The following PELP1 variants were observed in gnomAD, a reference collection of about 807,000 sequenced individuals.
PELP1 encodes the protein proline, glutamate and leucine rich protein 1.
PELP1 carries 32 observed loss-of-function variants against 95.5 expected under a neutral mutation model. That is an observed-to-expected ratio of 0.34 (90% CI 0.25 to 0.45). The LOEUF (loss-of-function observed/expected upper bound fraction) is 0.45. Among genes scored for constraint, PELP1 ranks in the 20% least tolerant of loss-of-function variants. PELP1 has a pLI of 1.00. For missense variants in PELP1, 1,358 were observed against 1,444.8 expected, an observed-to-expected ratio of 0.94 and a Z score of 0.97; for synonymous variants, 668 against 600.1, an observed-to-expected ratio of 1.11 and a Z score of -1.65.
At position 4,672,130 on chromosome 17, in the gene PELP1, T is replaced by A; in HGVS notation, c.2861A>T (p.Glu954Val). The A allele has an allele frequency of 1.3e-6, 2 of 1,552,438 alleles. No homozygotes were observed. Among genetic ancestry groups the A allele is most frequent in the Non-Finnish European group, 1.7e-6 (2 of 1,147,476 alleles). ...GTCTTCCACCTCTTCCAGTTCTTCTTCCTCCTCCTCATCCTCCTCTTCTTC... is the reference window on the plus strand; with the variant it reads ...GTCTTCCACCTCTTCCAGTTCTTCTACCTCCTCCTCATCCTCCTCTTCTTC... Reference protein sequence around the residue: ...EEEEEEDEEEEEELEEVEDLE... With the variant: ...EEEEEEDEEEVEELEEVEDLE... Residue 954 changes from glutamate (E) to valine (V), a missense_variant, in exon 16 of 17, where the codon GAA (glutamate) becomes GTA (valine). By Grantham distance (121) the Glu-to-Val change is moderately radical. Coordinates refer to ENST00000572293, the MANE Select transcript of PELP1 (RefSeq NM_014389.3).
rs1912183836 is a variant in PELP1 at position 4,671,201 on chromosome 17, T to C, written c.*238A>G. The C allele has an allele frequency of 1.8e-6, 1 of 559,422 alleles. No individual in the cohort carries two copies. The highest frequency in any genetic ancestry group is 3.2e-6 in the Non-Finnish European group (1 of 314,302). 34.7% of individuals were successfully genotyped at this position (559,422 alleles called of 1,614,324 possible). A position where few individuals can be genotyped will look rare whatever the true frequency, so the allele number is the denominator to read the frequency against. ...GCATCCAGCCAGAATCCTACAATTCTGACACCATCGTGCTGAGTGATGGGA... is the reference window on the plus strand; with the variant it reads ...GCATCCAGCCAGAATCCTACAATTCCGACACCATCGTGCTGAGTGATGGGA... On this transcript the variant is annotated 3_prime_UTR_variant, in exon 17 of 17. Transcript: ENST00000572293.
chr17:4,680,023 C>A (rs1282381230), intron 5 of PELP1, among the ~76,000 whole-genome samples: 1 of 152,246 alleles, frequency 6.6e-6, no homozygotes, highest in Non-Finnish European at 1.5e-5. Context: ...TTGACTAGAG[C>A]TGCTACCTGC....
intron 1 of PELP1, among the ~76,000 whole-genome samples, chr17:4,694,595 G>A (rs1164438258): frequency 1.3e-5 from 2 of 149,442 alleles, no homozygotes; most frequent in Non-Finnish European, 3.0e-5. Flanking sequence ...GGGAGGCGGA[G>A]GTCGCAATGA....
At chr17:4,681,302 T>C (rs773539274) in intron 5 of PELP1, among the ~76,000 whole-genome samples, 61 of 152,080 alleles carry the variant, frequency 4.0e-4, no homozygotes, top group Non-Finnish European at 8.8e-4. Context: ...CTGGCCAACA[T>C]AGTGATACCT....
Position 4,671,484 on chromosome 17 carries a change from G to A in PELP1, c.3348C>T (p.Pro1116=), listed in dbSNP as rs1216369385. 6.2e-7 allele frequency: 1 copy of A among 1,610,828 alleles called. No homozygotes were observed. Among genetic ancestry groups the A allele is most frequent in the Non-Finnish European group, 8.5e-7 (1 of 1,177,032 alleles). Reference sequence around the variant, plus strand: ...GAGGTGGTGGCTTCTCATCATCAGGGGGACAATCGATGAAGTCGGCCAGCA... The same window carrying A: ...GAGGTGGTGGCTTCTCATCATCAGGAGGACAATCGATGAAGTCGGCCAGCA... ...AAMLADFIDC[P]PDDEKPPPPT... Residue 1116 remains proline, a synonymous_variant, in exon 17 of 17, where the codon CCC becomes CCT. Coordinates refer to ENST00000572293, the MANE Select transcript of PELP1 (RefSeq NM_014389.3).
intron 3 of PELP1, among the ~76,000 whole-genome samples, chr17:4,685,699 G>C (rs919293220): frequency 6.6e-6 from 1 of 151,554 alleles, no homozygotes; most frequent in Admixed American, 6.6e-5. Flanking sequence ...GGTGCGGTGG[G>C]GGGTACTGAT....
chr17:4,678,443 C>T (rs1262943834), intron 5 of PELP1, among the ~76,000 whole-genome samples: 1 of 152,100 alleles, frequency 6.6e-6, no homozygotes, highest in Non-Finnish European at 1.5e-5. Flanking sequence ...ACACTGCACT[C>T]CTGGGTCACA....
chr17:4,672,027 G>T lies in PELP1; in HGVS notation c.2964C>A (p.Pro988=). Reference sequence around the variant, plus strand: ...GCTGCACCTTTGGGGGAGACTCAGGGGGAGGCAGAGCTGGAGGCAGGGTTG... The same window carrying T: ...GCTGCACCTTTGGGGGAGACTCAGGTGGAGGCAGAGCTGGAGGCAGGGTTG... The part of the protein sequence containing the change: ...PPPTLPPALP[P]PESPPKVQPE... The change falls in exon 16 of 17, where the codon CCC becomes CCA. Residue 988 remains proline, a synonymous_variant. Transcript: ENST00000572293. The T allele has an allele frequency of 6.4e-7, 1 of 1,573,976 alleles. No individual in the cohort carries two copies. The highest frequency in any genetic ancestry group is 2.3e-5 in the East Asian group (1 of 44,102).
intron 5 of PELP1, among the ~76,000 whole-genome samples, chr17:4,677,759 T>A (rs1567662456): frequency 6.6e-6 from 1 of 151,926 alleles, no homozygotes. Flanking sequence ...AGAAACCCTA[T>A]CTCTACTAAA....
In PELP1 at chr17:4,682,503, T is replaced by C. The variant is rs757184595; in HGVS notation, c.641A>G (p.Lys214Arg). 1.1e-5 allele frequency: 18 copies of C among 1,603,526 alleles called. No homozygotes were observed. Among genetic ancestry groups the C allele is most frequent in the Admixed American group, 1.7e-5 (1 of 59,982 alleles). Residue 214 changes from lysine (K) to arginine (R), a missense_variant and splice_region_variant, in exon 5 of 17, where the codon AAA (lysine) becomes AGA (arginine). Physicochemically the swap from Lys to Arg is conservative, Grantham distance 26. Around this residue, in one of 7 missense-constraint regions of PELP1, gnomAD observed 538 missense variants for 628.1 expected, o/e 0.86. Coordinates refer to ENST00000572293, the MANE Select transcript of PELP1 (RefSeq NM_014389.3). ...GGAGAAGAGTGCATAAATACTTACT[T>C]TGAGAGAACCACAAGCCCGAGGGAA... ...TYFPRACGSL[K>R]GKLASFFLSR... is the part of the protein sequence containing the mutation.
chr17:4,673,758 C>G lies in PELP1; in HGVS notation c.1583-84G>C, dbSNP rs775729557. The G allele has an allele frequency of 1.1e-4, 129 of 1,146,430 alleles. No individual in the cohort carries two copies. The highest frequency in any genetic ancestry group is 1.5e-4 in the Non-Finnish European group (114 of 753,712). The allele number at this position is 1,146,430 out of a possible 1,614,324, so 71.0% of individuals were successfully genotyped here. A position where few individuals can be genotyped will look rare whatever the true frequency, so the allele number is the denominator to read the frequency against. On this transcript the variant is annotated intron_variant, in intron 13 of 16. Transcript: ENST00000572293. The surrounding 1 kb of genome is among the most constrained non-coding windows in gnomAD (Gnocchi z 5.7). ...TCTGAAGCATACAGCCCAAAATGGG[C>G]ATCAACTCTGCCACTGCCTATCTTG...
intron 1 of PELP1, among the ~76,000 whole-genome samples, chr17:4,701,511 G>A (rs770742717): frequency 1.2e-4 from 18 of 152,198 alleles, no homozygotes; most frequent in Non-Finnish European, 1.8e-4. Context: ...TGAAGGTAAG[G>A]AGACCCGTTA....
chr17:4,700,895 C>A, intron 1 of PELP1, among the ~76,000 whole-genome samples: 1 of 140,662 alleles, frequency 7.1e-6, no homozygotes, highest in South Asian at 2.3e-4. Flanking sequence ...CTGGCCACTG[C>A]ACTCCAGCCT....
At chr17:4,694,717 A>G (rs1362807988) in intron 1 of PELP1, among the ~76,000 whole-genome samples, 3 of 151,820 alleles carry the variant, frequency 2.0e-5, no homozygotes, top group Non-Finnish European at 4.4e-5. Context: ...TTACGCCTGT[A>G]ATGCCAGCAC....
intron 5 of PELP1, among the ~76,000 whole-genome samples, chr17:4,680,617 C>G (rs968118165): frequency 7.2e-5 from 11 of 152,122 alleles, no homozygotes; most frequent in Admixed American, 3.3e-4. Flanking sequence ...TAGCAAACTC[C>G]CCCTTAACTA....
chr17:4,696,673 G>A (rs2150565720), intron 1 of PELP1: 1 of 152,302 alleles, frequency 6.6e-6, no homozygotes, highest in South Asian at 2.1e-4. Context: ...TGAGGTAGAA[G>A]GTTACTGTAA....
At chr17:4,701,292 G>T (rs1444686066) in intron 1 of PELP1, among the ~76,000 whole-genome samples, 1 of 136,018 alleles carries the variant, frequency 7.4e-6, no homozygotes, top group Non-Finnish European at 1.6e-5. Context: ...AATAAGCAAA[G>T]AATTGAGAAG....
At chr17:4,702,413 T>C (rs1913576844) in intron 1 of PELP1, among the ~76,000 whole-genome samples, 1 of 151,678 alleles carries the variant, frequency 6.6e-6, no homozygotes, top group African/African-American at 2.4e-5. Context: ...AGTAAGACCT[T>C]GTCTCAAAAA....
intron 1 of PELP1, among the ~76,000 whole-genome samples, chr17:4,693,408 C>T (rs1482971379): frequency 1.3e-5 from 2 of 152,208 alleles, no homozygotes; most frequent in African/African-American, 4.8e-5. Flanking sequence ...TACTACCAAA[C>T]CCTACATAAA....
Sources: allele counts gnomAD v4.1 joint callset (sites outside exome capture counted in the v4.1 genomes callset), GRCh38; gene constraint gnomAD v4.1.1; regional missense constraint gnomAD v4.1.1; non-coding constraint Gnocchi (gnomAD v3.1); transcripts MANE v1.5; gene names NCBI Gene and HGNC (gene_info 2026-07-23, HGNC 2026-07-21).